CALD1: variants seen among roughly 807,000 people sequenced by gnomAD.
CALD1 encodes caldesmon.
Under a neutral mutation model 99.9 loss-of-function variants are expected in CALD1, and 33 were observed. The observed-to-expected ratio is 0.33, with a 90% CI of 0.25 to 0.44. The LOEUF (loss-of-function observed/expected upper bound fraction) is 0.44, where lower values mean the gene tolerates loss of function less well. CALD1 is among the 20% of genes least tolerant of loss of function. The pLI is 1.00. For synonymous variants in CALD1, 310 were observed against 325.0 expected, an observed-to-expected ratio of 0.95 and a Z score of 0.50; for missense variants, 861 against 962.1, an observed-to-expected ratio of 0.89 and a Z score of 1.39.
intron 1 of CALD1, among the ~76,000 whole-genome samples, chr7:134,770,115 T>A (rs1384302447): frequency 6.6e-6 from 1 of 152,168 alleles, no homozygotes; most frequent in African/African-American, 2.4e-5. Flanking sequence ...CCTTTCTCTT[T>A]GTAAAAAGAA....
intron 1 of CALD1, among the ~76,000 whole-genome samples, chr7:134,760,657 A>G (rs1477271297): frequency 1.3e-5 from 2 of 152,266 alleles, no homozygotes; most frequent in Non-Finnish European, 2.9e-5. Flanking sequence ...GCATTTACAT[A>G]AATTAAAGAT....
rs535540980 is a variant in CALD1, at chr7:134,936,687, A to AG, written c.1386+927dup. On this transcript the variant is annotated intron_variant, in intron 6 of 14. Coordinates refer to ENST00000361675, the MANE Select transcript of CALD1 (RefSeq NM_033138.4). Reference sequence around the variant, plus strand: ...TTTAGAAAACATGGCCAGATTAAATAGGGGGTGGGTTATTTTCTTAAATAC... The same window carrying AG: ...TTTAGAAAACATGGCCAGATTAAATAGGGGGGTGGGTTATTTTCTTAAATAC... 3.1e-3 allele frequency among the ~76,000 whole-genome samples: 479 copies of AG among 152,330 alleles called. 1 individual carries two copies. Among genetic ancestry groups the AG allele is most frequent in the Middle Eastern group, 0.014 (4 of 294 alleles).
intron 1 of CALD1, among the ~76,000 whole-genome samples, chr7:134,805,048 T>C (rs1405956534): frequency 6.6e-6 from 1 of 152,236 alleles, no homozygotes; most frequent in Non-Finnish European, 1.5e-5. Context: ...AAGTAGAAGC[T>C]GTCCTCTTGA....
intron 1 of CALD1, among the ~76,000 whole-genome samples, chr7:134,769,405 G>A (rs1169500144): frequency 6.6e-6 from 1 of 152,028 alleles, no homozygotes; most frequent in Non-Finnish European, 1.5e-5. Context: ...CATCAACAAC[G>A]TTTAGTTTTG....
At chr7:134,832,129 T>A (rs1304889419) in intron 1 of CALD1, among the ~76,000 whole-genome samples, 1 of 152,256 alleles carries the variant, frequency 6.6e-6, no homozygotes, top group Non-Finnish European at 1.5e-5. Flanking sequence ...CATGCCCATC[T>A]GAGGCTTTCT....
intron 1 of CALD1, among the ~76,000 whole-genome samples, chr7:134,830,533 G>C (rs1355385229): frequency 6.6e-6 from 1 of 151,994 alleles, no homozygotes. Context: ...GTACCCATTA[G>C]TTATTTTTCC....
chr7:134,786,151 T>C (rs1797296369), intron 1 of CALD1, among the ~76,000 whole-genome samples: 1 of 152,170 alleles, frequency 6.6e-6, no homozygotes, highest in South Asian at 2.1e-4. Context: ...CTCTGGGTGG[T>C]GGATCCCTGG....
rs1805279872 is a variant in CALD1, at chr7:134,928,988, C to T, written c.218+88C>T. 5.2e-6 allele frequency: 6 copies of T among 1,159,176 alleles called. No individual in the cohort carries two copies. The South Asian group carries it at 7.9e-5, about 15-fold the overall frequency. 71.8% of individuals were successfully genotyped at this position (1,159,176 alleles called of 1,614,324 possible). ...TTTGTTGAGCAGAGCATTCCTTTCT[C>T]AGCCCAACTCAACCCTTTTTCAATC... On this transcript the variant is annotated intron_variant, in intron 4 of 14. Coordinates refer to ENST00000361675, the MANE Select transcript of CALD1 (RefSeq NM_033138.4).
intron 2 of CALD1, among the ~76,000 whole-genome samples, chr7:134,856,386 G>A (rs1444831669): frequency 6.6e-6 from 1 of 152,146 alleles, no homozygotes; most frequent in Admixed American, 6.5e-5. Flanking sequence ...AGCCACGCGA[G>A]GCCTGGGAAG....
intron 1 of CALD1, among the ~76,000 whole-genome samples, chr7:134,788,056 C>T (rs768256207): frequency 2.0e-5 from 3 of 152,172 alleles, no homozygotes; most frequent in Non-Finnish European, 4.4e-5. Context: ...CTCATACTGG[C>T]TCCCAAAAGC....
At chr7:134,845,735 TG>T (rs1799825817) in intron 2 of CALD1, among the ~76,000 whole-genome samples, 1 of 149,856 alleles carries the variant, frequency 6.7e-6, no homozygotes, top group South Asian at 2.1e-4. Flanking sequence ...CAAGGAAGAC[TG>T]TGTAGAGGGA....
intron 3 of CALD1, among the ~76,000 whole-genome samples, chr7:134,889,299 CA>C (rs1377626688): frequency 6.6e-6 from 1 of 152,182 alleles, no homozygotes; most frequent in Non-Finnish European, 1.5e-5. Flanking sequence ...GTCACATTCC[CA>C]GGCTCTTGGA....
chr7:134,894,901 G>T (rs1188078719), intron 3 of CALD1, among the ~76,000 whole-genome samples: 1 of 152,066 alleles, frequency 6.6e-6, no homozygotes, highest in Non-Finnish European at 1.5e-5. Context: ...TCCATAAAGG[G>T]TTATTTTTCT....
At chr7:134,875,735 G>A (rs1484003556) in intron 3 of CALD1, among the ~76,000 whole-genome samples, 3 of 152,206 alleles carry the variant, frequency 2.0e-5, no homozygotes, top group Admixed American at 2.0e-4. Context: ...AACAGCAATA[G>A]ACTAAACAAA....
In CALD1 at chr7:134,929,658, A is replaced by G. The variant is rs568739943; in HGVS notation, c.218+758A>G. ...TGTGTGTGTGTGTGTATATATATAT[A>G]TATATATATATACACCACATTTTCT... On this transcript the variant is annotated intron_variant, in intron 4 of 14. Coordinates refer to ENST00000361675, the MANE Select transcript of CALD1 (RefSeq NM_033138.4). 2.1e-3 allele frequency among the ~76,000 whole-genome samples: 225 copies of G among 106,642 alleles called. 5 individuals carry two copies. Among genetic ancestry groups the G allele is most frequent in the African/African-American group, 7.9e-3 (204 of 25,854 alleles). 70.0% of individuals were successfully genotyped at this position (106,642 alleles called of 152,430 possible). A position where few individuals can be genotyped will look rare whatever the true frequency, so the allele number is the denominator to read the frequency against.
intron 3 of CALD1, among the ~76,000 whole-genome samples, chr7:134,881,080 G>A (rs1022210499): frequency 6.6e-6 from 1 of 152,152 alleles, no homozygotes; most frequent in Non-Finnish European, 1.5e-5. Flanking sequence ...AGTTTTCCAT[G>A]AGAACTCTGC....
intron 2 of CALD1, among the ~76,000 whole-genome samples, chr7:134,856,008 CTCTGCAAAGTATAGGTTTT>C (rs1321314022): frequency 6.6e-6 from 1 of 152,224 alleles, no homozygotes; most frequent in Non-Finnish European, 1.5e-5. Flanking sequence ...TAATCCTACA[CTCTGCAAAGTATAGGTTTT>C]TCAGCAAGAG....
rs111980049 is a variant in CALD1, at chr7:134,941,555, A to G, written c.1532+318A>G. On this transcript the variant is annotated intron_variant, in intron 7 of 14. Transcript: ENST00000361675. ...AGATTAGTGTATTAGAAAACATTAT[A>G]ACTGGGATTCATGTCATTCAATGAT... Among the ~76,000 whole-genome samples the G allele has an allele frequency of 2.7e-3, 412 of 152,322 alleles. 5 individuals carry two copies. Among genetic ancestry groups the G allele is most frequent in the African/African-American group, 9.5e-3 (394 of 41,576 alleles).
At chr7:134,754,094 A>ATAGC (rs1454338892) in intron 1 of CALD1, among the ~76,000 whole-genome samples, 11 of 152,172 alleles carry the variant, frequency 7.2e-5, no homozygotes, top group African/African-American at 2.7e-4. Context: ...ATCCATCTAG[A>ATAGC]TAGCCATCTT....
Sources: gnomAD v4.1 joint callset for allele counts (sites outside exome capture counted in the v4.1 genomes callset) on GRCh38, gnomAD v4.1.1 for gene constraint, MANE v1.5 for transcripts, NCBI Gene and HGNC (gene_info 2026-07-23, HGNC 2026-07-21) for gene names.